Variants in ACTR3C observed in about 807,000 individuals in gnomAD.
ACTR3C encodes actin-related protein 3C.
ACTR3C carries 18 observed loss-of-function variants against 26.3 expected under a neutral mutation model. The observed-to-expected ratio is 0.68, with a 90% CI of 0.47 to 1.01. The LOEUF is 1.01. ACTR3C is among the 50% of genes least tolerant of loss of function. The pLI, the probability that ACTR3C is intolerant of heterozygous loss-of-function variation, is 0.00. For missense variants in ACTR3C, 184 were observed against 250.7 expected (o/e 0.73, Z 1.80); for synonymous variants, 55 against 94.5 (o/e 0.58, Z 2.42).
At chr7:149,928,491 C>T in the ACTR3C span, among the ~76,000 whole-genome samples, 62,241 of 150,000 alleles carry the variant, frequency 0.41, 14,726 homozygotes, top group Non-Finnish European at 0.52. Flanking sequence ...AGTGCTGGGA[C>T]TACAGGTGTG....
chr7:149,937,898 A>G, the ACTR3C span, among the ~76,000 whole-genome samples: 1 of 152,142 alleles, frequency 6.6e-6, no homozygotes, highest in African/African-American at 2.4e-5. Context: ...GACTCTCTGG[A>G]GGAACTGAAC....
chr7:149,883,645 G>T, the ACTR3C span, among the ~76,000 whole-genome samples: 4 of 152,358 alleles, frequency 2.6e-5, no homozygotes, highest in African/African-American at 9.6e-5. Flanking sequence ...TCCAATCTGC[G>T]CATTGCTGGG....
chr7:150,092,433 C>G, the ACTR3C span, among the ~76,000 whole-genome samples: 7 of 151,440 alleles, frequency 4.6e-5, no homozygotes, highest in South Asian at 1.0e-3. Flanking sequence ...GGTTCTCTGG[C>G]TCTCTTGTTT....
the ACTR3C span, among the ~76,000 whole-genome samples, chr7:149,938,624 A>C: frequency 4.6e-5 from 7 of 152,284 alleles, no homozygotes; most frequent in Non-Finnish European, 7.4e-5. Context: ...ATTCAATTCC[A>C]TGAACTCTGA....
At chr7:150,135,116 CA>C in the ACTR3C span, among the ~76,000 whole-genome samples, 2 of 152,070 alleles carry the variant, frequency 1.3e-5, no homozygotes, top group South Asian at 2.1e-4. Flanking sequence ...ACTAAAAATA[CA>C]AAAAATTAGC....
the ACTR3C span, among the ~76,000 whole-genome samples, chr7:150,237,668 G>T: frequency 6.6e-6 from 1 of 152,146 alleles, no homozygotes; most frequent in African/African-American, 2.4e-5. Flanking sequence ...CAGCATTTGC[G>T]TGCAATCACA....
At chr7:150,042,114 T>A in the ACTR3C span, among the ~76,000 whole-genome samples, 18 of 27,974 alleles carry the variant, frequency 6.4e-4, no homozygotes, top group East Asian at 5.6e-3. Flanking sequence ...GCCTCCCCCC[T>A]CTGCGATGGG....
the ACTR3C span, among the ~76,000 whole-genome samples, chr7:149,992,522 A>G: frequency 6.6e-6 from 1 of 152,246 alleles, no homozygotes; most frequent in Non-Finnish European, 1.5e-5. Flanking sequence ...GCCAAGAACA[A>G]TATGAGAAAT....
At chr7:149,908,555 A>T in the ACTR3C span, among the ~76,000 whole-genome samples, 1 of 151,982 alleles carries the variant, frequency 6.6e-6, no homozygotes, top group African/African-American at 2.4e-5. Flanking sequence ...CTAATCAAGC[A>T]CCTTCTCTCC....
chr7:149,947,774 G>A, the ACTR3C span, among the ~76,000 whole-genome samples: 109 of 145,206 alleles, frequency 7.5e-4, 2 homozygotes, highest in South Asian at 0.022. Flanking sequence ...GGGGGTTCAC[G>A]GACTGCAGGG....
intron 1 of ACTR3C, among the ~76,000 whole-genome samples, chr7:150,321,422 A>G (rs1209201046): frequency 1.3e-5 from 2 of 152,220 alleles, no homozygotes; most frequent in Non-Finnish European, 2.9e-5. Context: ...TCTCCGAGGC[A>G]TGGAGATCAA....
the ACTR3C span, among the ~76,000 whole-genome samples, chr7:150,178,188 C>T: frequency 5.3e-5 from 8 of 150,204 alleles, no homozygotes; most frequent in East Asian, 1.4e-3. Context: ...ACTGACACCT[C>T]GATTTTCTTC....
chr7:150,222,076 C>T, the ACTR3C span, among the ~76,000 whole-genome samples: 4 of 151,018 alleles, frequency 2.6e-5, no homozygotes, highest in African/African-American at 4.9e-5. Context: ...TTAGTTCTTC[C>T]GTTATTTGCT....
the ACTR3C span, among the ~76,000 whole-genome samples, chr7:150,041,658 T>C: frequency 1.1e-5 from 1 of 90,756 alleles, no homozygotes; most frequent in African/African-American, 4.1e-5. Flanking sequence ...GCGATGAGGG[T>C]AGCAACAGCC....
At chr7:150,101,100 T>C in the ACTR3C span, among the ~76,000 whole-genome samples, 1 of 151,542 alleles carries the variant, frequency 6.6e-6, no homozygotes, top group Non-Finnish European at 1.5e-5. Flanking sequence ...GAGTTATCCT[T>C]CATAGGACTC....
chr7:150,009,027 G>A, the ACTR3C span, among the ~76,000 whole-genome samples: 3 of 152,266 alleles, frequency 2.0e-5, no homozygotes, highest in Admixed American at 1.3e-4. Context: ...GTGTTGCCAC[G>A]TGATGGGCCA....
At chr7:150,224,691 C>T in the ACTR3C span, among the ~76,000 whole-genome samples, 2 of 152,160 alleles carry the variant, frequency 1.3e-5, no homozygotes, top group Non-Finnish European at 2.9e-5. Flanking sequence ...TATCCTTTCT[C>T]ATTTGCATAC....
the ACTR3C span, among the ~76,000 whole-genome samples, chr7:150,180,259 C>T: frequency 2.7e-5 from 4 of 149,488 alleles, no homozygotes; most frequent in Non-Finnish European, 4.4e-5. Flanking sequence ...GAGCCGAGAT[C>T]GCGCCACTGC....
At chr7:150,195,094 A>G in the ACTR3C span, among the ~76,000 whole-genome samples, 1 of 145,166 alleles carries the variant, frequency 6.9e-6, no homozygotes, top group Admixed American at 6.9e-5. Flanking sequence ...ACTCTGTTTC[A>G]AAATACATAT....
Sources: allele counts gnomAD v4.1 joint callset (sites outside exome capture counted in the v4.1 genomes callset), GRCh38; gene constraint gnomAD v4.1.1; transcripts MANE v1.5; gene names NCBI Gene and HGNC (gene_info 2026-07-23, HGNC 2026-07-21).